The following EYA1 variants were observed in gnomAD, a reference collection of about 807,000 sequenced individuals.
EYA1 encodes EYA transcriptional coactivator and phosphatase 1.
A neutral mutation model predicts 82.0 loss-of-function variants in EYA1; 16 were observed. The ratio of observed to expected loss-of-function variants is 0.20; its 90% confidence interval spans 0.13 to 0.30. EYA1 has a LOEUF of 0.30. Ranked by LOEUF, EYA1 falls within the 10% of genes least tolerant of loss-of-function variation. EYA1 has a pLI of 1.00. For synonymous variants in EYA1, 261 were observed against 264.4 expected (o/e 0.99, Z 0.12); for missense variants, 633 against 730.7 (o/e 0.87, Z 1.54).
At chr8:71,205,170 C>A (rs6472569) in intron 17 of EYA1, among the ~76,000 whole-genome samples, 68,242 of 151,872 alleles carry the variant, frequency 0.45, 17,323 homozygotes, top group East Asian at 0.77. Flanking sequence ...TATTTAATGA[C>A]GCCTTTCTCA....
At chr8:71,379,696 T>TA (rs1198539933) in intron 2 of EYA1, among the ~76,000 whole-genome samples, 3 of 152,200 alleles carry the variant, frequency 2.0e-5, no homozygotes, top group African/African-American at 7.2e-5. Flanking sequence ...GTACCCACAC[T>TA]ACCAGACCGT....
chr8:71,296,550 C>T (rs1400341897), intron 9 of EYA1, among the ~76,000 whole-genome samples: 1 of 150,204 alleles, frequency 6.7e-6, no homozygotes, highest in Non-Finnish European at 1.5e-5. Context: ...CCAGGTCATA[C>T]ATAAGATAAG....
intron 11 of EYA1, among the ~76,000 whole-genome samples, chr8:71,248,003 T>A (rs1316019307): frequency 6.6e-6 from 1 of 152,268 alleles, no homozygotes; most frequent in Non-Finnish European, 1.5e-5. Flanking sequence ...CTTATTTATA[T>A]GACCATTGAA....
At chr8:71,357,684 TAAGA>T (rs1554567822) in intron 1 of EYA1, among the ~76,000 whole-genome samples, 1 of 152,218 alleles carries the variant, frequency 6.6e-6, no homozygotes, top group Non-Finnish European at 1.5e-5. Flanking sequence ...ATTTATGAAA[TAAGA>T]AATACTACCT....
At chr8:71,357,632 A>G (rs1021005481) in intron 1 of EYA1, among the ~76,000 whole-genome samples, 2 of 152,256 alleles carry the variant, frequency 1.3e-5, no homozygotes, top group Admixed American at 6.5e-5. Context: ...ACAGTTATCC[A>G]ACCAAACGTC....
chr8:71,456,651 A>C (rs572561503), intron 2 of EYA1, among the ~76,000 whole-genome samples: 27 of 151,988 alleles, frequency 1.8e-4, no homozygotes, highest in Admixed American at 3.3e-4. Flanking sequence ...AAAAAACAAG[A>C]AATGGGGAAA....
intron 2 of EYA1, among the ~76,000 whole-genome samples, chr8:71,452,473 C>T (rs534970383): frequency 6.6e-6 from 1 of 152,208 alleles, no homozygotes; most frequent in Non-Finnish European, 1.5e-5. Flanking sequence ...ACTGCCTCCT[C>T]AAGTGGGTCT....
chr8:71,305,257 C>G (rs1269301034), intron 7 of EYA1, among the ~76,000 whole-genome samples: 3 of 143,058 alleles, frequency 2.1e-5, no homozygotes, highest in Non-Finnish European at 3.2e-5. Flanking sequence ...CCGCTACATC[C>G]TATAATGCAA....
chr8:71,395,900 G>A (rs1281533605), intron 2 of EYA1, among the ~76,000 whole-genome samples: 2 of 152,198 alleles, frequency 1.3e-5, no homozygotes, highest in Non-Finnish European at 2.9e-5. Context: ...GGTAGAATTC[G>A]GCTGTGAATC....
intron 3 of EYA1, among the ~76,000 whole-genome samples, chr8:71,342,209 T>G (rs2129054319): frequency 6.6e-6 from 1 of 152,274 alleles, no homozygotes; most frequent in East Asian, 1.9e-4. Flanking sequence ...AAATATTCAG[T>G]GGCTTCTCTA....
intron 10 of EYA1, among the ~76,000 whole-genome samples, chr8:71,271,009 G>A: frequency 6.6e-6 from 1 of 152,120 alleles, no homozygotes; most frequent in Non-Finnish European, 1.5e-5. Flanking sequence ...TACTCGGGAG[G>A]CTGGGGCAGA....
At chr8:71,304,268 G>C (rs1820498681) in intron 7 of EYA1, among the ~76,000 whole-genome samples, 1 of 142,514 alleles carries the variant, frequency 7.0e-6, no homozygotes. Context: ...GGAGGTGGAT[G>C]CTGTTACATC....
intron 2 of EYA1, among the ~76,000 whole-genome samples, chr8:71,408,073 T>G (rs1484710973): frequency 6.6e-6 from 1 of 151,994 alleles, no homozygotes; most frequent in Non-Finnish European, 1.5e-5. Context: ...ATATTCAACA[T>G]GCTTAAAGAA....
intron 11 of EYA1, among the ~76,000 whole-genome samples, chr8:71,250,169 T>G (rs1813577092): frequency 6.6e-6 from 1 of 152,208 alleles, no homozygotes; most frequent in Non-Finnish European, 1.5e-5. Context: ...TTCAAACATT[T>G]AACAAGTACA....
intron 2 of EYA1, among the ~76,000 whole-genome samples, chr8:71,421,310 A>C (rs1231852875): frequency 2.0e-5 from 3 of 152,176 alleles, no homozygotes; most frequent in Non-Finnish European, 2.9e-5. Flanking sequence ...AGACTTAGAG[A>C]ACTATGGAGA....
chr8:71,216,660 A>G, intron 14 of EYA1, 32 bp downstream of exon 14: 2 of 1,610,608 alleles, frequency 1.2e-6, no homozygotes, highest in Non-Finnish European at 1.7e-6. Context: ...GGACTGTCTT[A>G]ACTTGCTGAG....
intron 3 of EYA1, 41 bp downstream of exon 3, chr8:71,354,740 GA>G (rs1826678894): frequency 6.2e-7 from 1 of 1,600,612 alleles, no homozygotes; most frequent in Admixed American, 1.7e-5. Flanking sequence ...TACTGATGAA[GA>G]AACAAGGTGC....
At chr8:71,547,888 G>T (rs1285533106) in exon 1 of EYA1, 1 of 151,964 alleles carries the variant, frequency 6.6e-6, no homozygotes, top group Non-Finnish European at 1.5e-5. Context: ...CGGCGACGGG[G>T]GGCTGAGGAA....
intron 2 of EYA1, among the ~76,000 whole-genome samples, chr8:71,405,310 T>C (rs1378016999): frequency 6.6e-6 from 1 of 152,178 alleles, no homozygotes; most frequent in Non-Finnish European, 1.5e-5. Context: ...TCAAGACCCT[T>C]CACTCATGCC....
Sources: allele counts gnomAD v4.1 joint callset (sites outside exome capture counted in the v4.1 genomes callset), GRCh38; gene constraint gnomAD v4.1.1; transcripts MANE v1.5; gene names NCBI Gene and HGNC (gene_info 2026-07-23, HGNC 2026-07-21).